Variants in TUSC3 observed in about 807,000 individuals in gnomAD.
TUSC3 encodes dolichyl-diphosphooligosaccharide--protein glycosyltransferase subunit TUSC3.
In TUSC3, 45 loss-of-function variants were observed where a neutral mutation model predicts 44.8. The ratio of observed to expected loss-of-function variants is 1.00; its 90% CI spans 0.79 to 1.29. The LOEUF (loss-of-function observed/expected upper bound fraction) is 1.29, where lower values mean the gene tolerates loss of function less well. Among genes scored for constraint, TUSC3 ranks in the 50% most tolerant of loss-of-function variants. TUSC3 has a pLI of 0.00. For synonymous variants in TUSC3, 212 were observed against 152.9 expected (o/e 1.39, Z -2.85); for missense variants, 519 against 437.9 (o/e 1.19, Z -1.65).
intron 1 of TUSC3, among the ~76,000 whole-genome samples, chr8:15,439,040 C>A (rs1207838581): frequency 2.0e-5 from 3 of 152,098 alleles, no homozygotes; most frequent in Non-Finnish European, 4.4e-5. Flanking sequence ...GGATTGAACC[C>A]AGAGAGAGAG....
chr8:15,772,045 C>T, the TUSC3 span, among the ~76,000 whole-genome samples: 5 of 151,802 alleles, frequency 3.3e-5, no homozygotes, highest in Non-Finnish European at 5.9e-5. Flanking sequence ...GCCAGGATCG[C>T]GCCACTGCAC....
intron 2 of TUSC3, among the ~76,000 whole-genome samples, chr8:15,526,608 C>T (rs376039565): frequency 9.9e-5 from 15 of 152,216 alleles, no homozygotes; most frequent in African/African-American, 3.1e-4. Context: ...CTCATTCTCT[C>T]GTCTGCCGCC....
intron 1 of TUSC3, among the ~76,000 whole-genome samples, chr8:15,546,349 G>A (rs1280409853): frequency 6.6e-6 from 1 of 151,704 alleles, no homozygotes; most frequent in East Asian, 2.0e-4. Flanking sequence ...GTATAATACA[G>A]CTTTGTAGTT....
At chr8:15,818,244 T>G in the TUSC3 span, among the ~76,000 whole-genome samples, 1 of 152,316 alleles carries the variant, frequency 6.6e-6, no homozygotes, top group Admixed American at 6.5e-5. Context: ...TCATTCTTTT[T>G]TTAGTGATGG....
intron 1 of TUSC3, among the ~76,000 whole-genome samples, chr8:15,475,895 A>G (rs568962059): frequency 1.3e-5 from 2 of 152,158 alleles, no homozygotes; most frequent in African/African-American, 4.8e-5. Flanking sequence ...TATTTCTTTC[A>G]AATTAGATTG....
the TUSC3 span, among the ~76,000 whole-genome samples, chr8:15,848,223 T>C: frequency 6.6e-6 from 1 of 152,176 alleles, no homozygotes; most frequent in African/African-American, 2.4e-5. Flanking sequence ...CCTGCTTTCA[T>C]CCTTCCCTGT....
intron 6 of TUSC3, among the ~76,000 whole-genome samples, chr8:15,716,875 G>T (rs1018276275): frequency 1.3e-5 from 2 of 151,530 alleles, no homozygotes; most frequent in African/African-American, 4.9e-5. Flanking sequence ...CCCTTTTGAG[G>T]ACTTTAGTAA....
intron 1 of TUSC3, among the ~76,000 whole-genome samples, chr8:15,478,933 G>A (rs1006897883): frequency 5.9e-5 from 9 of 151,806 alleles, no homozygotes; most frequent in East Asian, 1.9e-4. Flanking sequence ...CCACAGCCTC[G>A]CCAGCAACTG....
upstream of TUSC3, among the ~76,000 whole-genome samples, chr8:15,538,657 C>G (rs1168655134): frequency 6.6e-6 from 1 of 152,112 alleles, no homozygotes; most frequent in South Asian, 2.1e-4. Flanking sequence ...AAAATCGTAA[C>G]TTTATGTCTA....
At chr8:15,730,581 T>G in intron 6 of TUSC3, 85 bp from the exon 7 acceptor site, 1 of 1,312,240 alleles carries the variant, frequency 7.6e-7, no homozygotes, top group Non-Finnish European at 1.1e-6. Context: ...ATTAGATTTT[T>G]CCATTGTTTA....
At chr8:15,427,808 A>C (rs1799823300) in intron 1 of TUSC3, among the ~76,000 whole-genome samples, 1 of 151,982 alleles carries the variant, frequency 6.6e-6, no homozygotes, top group Admixed American at 6.6e-5. Flanking sequence ...TTGTTGTCAT[A>C]CTCAAAAAAT....
At chr8:15,527,127 T>C (rs1463546104) in intron 2 of TUSC3, among the ~76,000 whole-genome samples, 3 of 152,228 alleles carry the variant, frequency 2.0e-5, no homozygotes, top group Admixed American at 1.3e-4. Flanking sequence ...ACTGCTTAGC[T>C]GTCCCACTTA....
At chr8:15,439,738 CT>C (rs1422029917) in intron 1 of TUSC3, among the ~76,000 whole-genome samples, 3 of 152,094 alleles carry the variant, frequency 2.0e-5, no homozygotes, top group African/African-American at 7.2e-5. Flanking sequence ...TGTGTTATCT[CT>C]TTTATCTTAA....
the TUSC3 span, among the ~76,000 whole-genome samples, chr8:15,774,704 A>C: frequency 6.6e-6 from 1 of 152,204 alleles, no homozygotes; most frequent in South Asian, 2.1e-4. Context: ...AAATATACAA[A>C]TGTCAACAAT....
Position 15,731,967 on chromosome 8 carries a change from T to G in TUSC3, c.862+1238T>G, listed in dbSNP as rs187121675. Among the ~76,000 whole-genome samples the G allele has an allele frequency of 4.3e-4, 66 of 152,306 alleles. 1 individual carries two copies. Among genetic ancestry groups the G allele is most frequent in the South Asian group, 2.3e-3 (11 of 4,828 alleles). ...AAGGGATGGAAAATGTTTGAAGCAC[T>G]TGGAATTCTCAAGAAACTCAAAGAC... On this transcript the variant is annotated intron_variant, in intron 7 of 10. Transcript: ENST00000503731.
intron 7 of TUSC3, among the ~76,000 whole-genome samples, chr8:15,736,017 C>A (rs1159187735): frequency 1.3e-5 from 2 of 152,072 alleles, no homozygotes; most frequent in African/African-American, 4.8e-5. Flanking sequence ...CATGAGCCAC[C>A]ACGCCCGGCG....
the TUSC3 span, among the ~76,000 whole-genome samples, chr8:15,773,207 T>C: frequency 3.3e-5 from 5 of 152,140 alleles, no homozygotes; most frequent in Non-Finnish European, 7.4e-5. Context: ...CTTTCACAGA[T>C]GGCATGATAT....
At chr8:15,629,278 T>G (rs779480766) in intron 2 of TUSC3, among the ~76,000 whole-genome samples, 1 of 152,112 alleles carries the variant, frequency 6.6e-6, no homozygotes, top group African/African-American at 2.4e-5. Context: ...TAGGATGATA[T>G]GAATTTCAAA....
chr8:15,796,315 C>G, the TUSC3 span, among the ~76,000 whole-genome samples: 3 of 152,142 alleles, frequency 2.0e-5, no homozygotes, highest in Non-Finnish European at 4.4e-5. Context: ...TTTTGATTAG[C>G]AGCTGTGAAT....
Sources: gnomAD v4.1 joint callset for allele counts (sites outside exome capture counted in the v4.1 genomes callset) on GRCh38, gnomAD v4.1.1 for gene constraint, MANE v1.5 for transcripts, NCBI Gene and HGNC (gene_info 2026-07-23, HGNC 2026-07-21) for gene names.